IMPG2: variants seen among roughly 807,000 people sequenced by gnomAD.
IMPG2 encodes the protein IPM 200.
A neutral mutation model predicts 129.2 loss-of-function variants in IMPG2; 91 were observed. The ratio of observed to expected loss-of-function variants is 0.70; its 90% confidence interval spans 0.59 to 0.84. The LOEUF (loss-of-function observed/expected upper bound fraction) is 0.84, where lower values mean the gene tolerates loss of function less well. IMPG2 is among the 40% of genes least tolerant of loss of function. IMPG2 has a pLI of 0.00. For synonymous variants in IMPG2, 510 were observed against 517.7 expected (o/e 0.99, Z 0.20); for missense variants, 1,430 against 1,461.7 (o/e 0.98, Z 0.35).
intron 2 of IMPG2, among the ~76,000 whole-genome samples, chr3:101,309,072 T>C (rs959283787): frequency 3.3e-5 from 5 of 152,222 alleles, no homozygotes; most frequent in African/African-American, 7.2e-5. Context: ...CTCATCTCCA[T>C]GTGAGACCTC....
At chr3:101,272,702 G>T (rs3773920) in intron 7 of IMPG2, among the ~76,000 whole-genome samples, 28,217 of 152,096 alleles carry the variant, frequency 0.19, 2,977 homozygotes, top group Admixed American at 0.32. Flanking sequence ...AAATTGTCTG[G>T]CCTCCCCTTC....
At chr3:101,286,114 A>G (rs1300526561) in intron 4 of IMPG2, among the ~76,000 whole-genome samples, 1 of 152,134 alleles carries the variant, frequency 6.6e-6, no homozygotes, top group African/African-American at 2.4e-5. Context: ...GAGAAGGATA[A>G]TATTAATACC....
intron 18 of IMPG2, among the ~76,000 whole-genome samples, 156 bp downstream of exon 18, chr3:101,228,641 G>A (rs892570075): frequency 3.9e-5 from 6 of 152,074 alleles, no homozygotes; most frequent in African/African-American, 1.4e-4. Context: ...AATCTGCCTG[G>A]ACATGCATAA....
At chr3:101,308,925 G>C (rs1355696092) in intron 2 of IMPG2, among the ~76,000 whole-genome samples, 2 of 152,146 alleles carry the variant, frequency 1.3e-5, no homozygotes, top group East Asian at 3.8e-4. Context: ...TTGCAGCTTA[G>C]AAATTTCTTC....
chr3:101,269,882 A>G (rs1052637262), intron 7 of IMPG2, among the ~76,000 whole-genome samples: 1 of 150,110 alleles, frequency 6.7e-6, no homozygotes, highest in African/African-American at 2.4e-5. Context: ...TGAAAAAAAA[A>G]TTGTTTCAAA....
intron 7 of IMPG2, among the ~76,000 whole-genome samples, chr3:101,273,086 C>T (rs1706804685): frequency 6.6e-6 from 1 of 152,140 alleles, no homozygotes; most frequent in Non-Finnish European, 1.5e-5. Flanking sequence ...AAAATACCTC[C>T]AACCAAGGAT....
chr3:101,278,959 G>A (rs960992239), intron 4 of IMPG2, among the ~76,000 whole-genome samples: 2 of 152,056 alleles, frequency 1.3e-5, no homozygotes, highest in African/African-American at 4.8e-5. Context: ...GGATGGAGCT[G>A]AAAAAAATGG....
intron 3 of IMPG2, among the ~76,000 whole-genome samples, chr3:101,292,780 T>C (rs568056448): frequency 3.5e-4 from 54 of 152,360 alleles, no homozygotes; most frequent in East Asian, 3.9e-4. Flanking sequence ...GTCACTTCTT[T>C]ATCAACTGAG....
intron 9 of IMPG2, among the ~76,000 whole-genome samples, chr3:101,261,395 T>C (rs1037680729): frequency 8.5e-5 from 13 of 152,154 alleles, no homozygotes; most frequent in African/African-American, 3.1e-4. Flanking sequence ...CCATATGCCT[T>C]GCATGACTTT....
In IMPG2 at chr3:101,223,886, C is replaced by G. The variant is rs539688104; in HGVS notation, c.*3083G>C. On this transcript the variant is annotated 3_prime_UTR_variant, in exon 19 of 19. Coordinates refer to ENST00000193391, the MANE Select transcript of IMPG2 (RefSeq NM_016247.4). Reference sequence around the variant, plus strand: ...AGGTGCGGTGGCTCATGCCTGTAATCCCAGCACTTTGGGAGGCCAAGGCAG... The same window carrying G: ...AGGTGCGGTGGCTCATGCCTGTAATGCCAGCACTTTGGGAGGCCAAGGCAG... The G allele has an allele frequency of 6.6e-6, 1 of 152,332 alleles. No homozygotes were observed. Among genetic ancestry groups the G allele is most frequent in the East Asian group, 1.9e-4 (1 of 5,188 alleles). 9.4% of individuals were successfully genotyped at this position (152,332 alleles called of 1,614,324 possible).
intron 10 of IMPG2, among the ~76,000 whole-genome samples, chr3:101,254,085 G>A (rs1706573115): frequency 6.6e-6 from 1 of 151,934 alleles, no homozygotes; most frequent in South Asian, 2.1e-4. Flanking sequence ...AGATTCCTAT[G>A]AAGCGCTTAT....
intron 3 of IMPG2, among the ~76,000 whole-genome samples, chr3:101,292,001 C>A (rs528549545): frequency 2.0e-5 from 3 of 152,240 alleles, no homozygotes; most frequent in African/African-American, 7.2e-5. Flanking sequence ...CATTCTAAAG[C>A]AAATTTCCTG....
chr3:101,227,693 G>T, intron 18 of IMPG2: 1 of 428,400 alleles, frequency 2.3e-6, no homozygotes, highest in South Asian at 1.6e-5. Flanking sequence ...ATATTGCTCT[G>T]GCTGCATTCA....
At position 101,226,848 on chromosome 3, in the gene IMPG2, T is replaced by C. The variant is rs1706230106; in HGVS notation, c.*121A>G. 6.5e-6 allele frequency: 7 copies of C among 1,079,814 alleles called. No individual in the cohort carries two copies. Among genetic ancestry groups the C allele is most frequent in the South Asian group, 5.6e-5 (4 of 71,682 alleles). 66.9% of individuals were successfully genotyped at this position (1,079,814 alleles called of 1,614,324 possible). ...AAAAAACAGTGTGCCCTATATTTAA[T>C]TTTTTCATAGAAAACTCTTCTTCCA... On this transcript the variant is annotated 3_prime_UTR_variant, in exon 19 of 19. Transcript: ENST00000193391.
At chr3:101,228,750 ACTGTTAAGT>A in intron 18 of IMPG2, 38 bp downstream of exon 18, 1 of 1,429,402 alleles carries the variant, frequency 7.0e-7, no homozygotes, top group Non-Finnish European at 9.9e-7. Flanking sequence ...TCTAGAGTAA[ACTGTTAAGT>A]CTGTAGGTCG....
At chr3:101,254,803 G>T (rs911991778) in intron 10 of IMPG2, among the ~76,000 whole-genome samples, 1 of 152,066 alleles carries the variant, frequency 6.6e-6, no homozygotes, top group African/African-American at 2.4e-5. Context: ...GTGGGGCCTG[G>T]TGGGAGGTGA....
chr3:101,227,512 C>A (rs911561014), intron 18 of IMPG2, among the ~76,000 whole-genome samples: 1 of 152,178 alleles, frequency 6.6e-6, no homozygotes, highest in Non-Finnish European at 1.5e-5. Flanking sequence ...AGAAAAGATG[C>A]ATTTTTAATT....
intron 10 of IMPG2, 151 bp from the exon 11 acceptor site, chr3:101,253,932 T>G: frequency 1.5e-6 from 1 of 645,436 alleles, no homozygotes; most frequent in Non-Finnish European, 2.8e-6. Flanking sequence ...GTTTGTTACT[T>G]TATTCAGATA....
At chr3:101,319,052 TAATA>T (rs976732219) in intron 2 of IMPG2, among the ~76,000 whole-genome samples, 26 of 152,036 alleles carry the variant, frequency 1.7e-4, no homozygotes, top group Admixed American at 9.8e-4. Context: ...TAATAACTAT[TAATA>T]AATAGGCAAG....
Sources: gnomAD v4.1 joint callset for allele counts (sites outside exome capture counted in the v4.1 genomes callset) on GRCh38, gnomAD v4.1.1 for gene constraint, MANE v1.5 for transcripts, NCBI Gene and HGNC (gene_info 2026-07-23, HGNC 2026-07-21) for gene names.